Variants in CHL1 observed in about 807,000 individuals in gnomAD.
CHL1 encodes cell adhesion molecule L1 like, also known as neural cell adhesion molecule L1-like protein.
Under a neutral mutation model 141.9 loss-of-function variants are expected in CHL1, and 96 were observed. The ratio of observed to expected loss-of-function variants is 0.68; its 90% CI spans 0.57 to 0.80. The LOEUF is 0.80. CHL1 is among the 30% of genes least tolerant of loss of function. CHL1 has a pLI of 0.00. For missense variants in CHL1, 1,820 were observed against 1,457.2 expected, an observed-to-expected ratio of 1.25 and a Z score of -4.05; for synonymous variants, 613 against 502.2, an observed-to-expected ratio of 1.22 and a Z score of -2.95.
chr3:341,962 G>C lies in CHL1; in HGVS notation c.559G>C (p.Asp187His), dbSNP rs1702377027. 1.2e-6 allele frequency: 2 copies of C among 1,613,404 alleles called. No homozygotes were observed. Among genetic ancestry groups the C allele is most frequent in the Non-Finnish European group, 8.5e-7 (1 of 1,179,488 alleles). Residue 187 changes from aspartate to histidine, a missense_variant, in exon 7 of 28, where the codon GAT becomes CAT. Physicochemically the swap from Asp to His is moderately conservative, Grantham distance 81. Coordinates refer to ENST00000256509, the MANE Select transcript of CHL1 (RefSeq NM_006614.4). The stretch of plus-strand genomic sequence containing the variant: ...AAGAGTATACATGAGCCAAAAGGGA[G>C]ATCTATACTTCGCAAACGTGGAAGA... ...DERVYMSQKG[D>H]LYFANVEEKD...
chr3:230,258 T>C (rs1410849558), intron 1 of CHL1, among the ~76,000 whole-genome samples: 1 of 152,174 alleles, frequency 6.6e-6, no homozygotes, highest in African/African-American at 2.4e-5. Flanking sequence ...TGTGAAGAGA[T>C]GAAGGAAGTG....
intron 23 of CHL1, among the ~76,000 whole-genome samples, chr3:393,570 T>C (rs185039498): frequency 9.9e-5 from 15 of 152,160 alleles, no homozygotes; most frequent in Middle Eastern, 3.4e-3. Context: ...TAAAATAAAA[T>C]AATATATAAT....
At chr3:279,385 T>C (rs1449513589) in intron 2 of CHL1, among the ~76,000 whole-genome samples, 1 of 152,186 alleles carries the variant, frequency 6.6e-6, no homozygotes, top group Non-Finnish European at 1.5e-5. Context: ...CTATAGCTAG[T>C]CTTTTTCCTT....
chr3:296,141 A>G (rs537978198), intron 2 of CHL1, among the ~76,000 whole-genome samples: 1 of 152,242 alleles, frequency 6.6e-6, no homozygotes, highest in East Asian at 1.9e-4. Flanking sequence ...CTCTTGGTGC[A>G]TCAGCTGAAA....
At chr3:303,226 CTCT>C (rs1434774813) in intron 2 of CHL1, among the ~76,000 whole-genome samples, 1 of 152,154 alleles carries the variant, frequency 6.6e-6, no homozygotes, top group Non-Finnish European at 1.5e-5. Context: ...GATATGCAGG[CTCT>C]TTTTTGGTTC....
In CHL1 at chr3:328,165, A is replaced by C; in HGVS notation, c.198-2A>C. The C allele has an allele frequency of 6.2e-7, 1 of 1,601,632 alleles. No homozygotes were observed. Among genetic ancestry groups the C allele is most frequent in the Non-Finnish European group, 8.5e-7 (1 of 1,173,144 alleles). On this transcript the variant is annotated splice_acceptor_variant, in intron 4 of 27. Coordinates refer to ENST00000256509, the MANE Select transcript of CHL1 (RefSeq NM_006614.4). LOFTEE classifies it high-confidence loss of function. ...ATTATTAAGTTCAGTTTTATGTTTT[A>C]GATTTTCGTGGACTAAGGATGGCAA...
At chr3:311,094 C>T (rs890864313) in intron 2 of CHL1, among the ~76,000 whole-genome samples, 3 of 152,134 alleles carry the variant, frequency 2.0e-5, no homozygotes, top group African/African-American at 7.2e-5. Context: ...ATTGTCTGGA[C>T]ACAGTATAGT....
chr3:383,499 T>A (rs6789749), intron 18 of CHL1, among the ~76,000 whole-genome samples: 18,709 of 152,142 alleles, frequency 0.12, 1,406 homozygotes, highest in African/African-American at 0.21. Context: ...AATTTTTTTT[T>A]AAAAAAGCAG....
At chr3:278,936 C>T (rs1696394387) in intron 2 of CHL1, among the ~76,000 whole-genome samples, 1 of 152,062 alleles carries the variant, frequency 6.6e-6, no homozygotes, top group Non-Finnish European at 1.5e-5. Context: ...GTGAGTTTGC[C>T]CTTGCCTTTC....
intron 20 of CHL1, among the ~76,000 whole-genome samples, chr3:390,349 C>T (rs1011656068): frequency 6.6e-6 from 1 of 152,168 alleles, no homozygotes; most frequent in Non-Finnish European, 1.5e-5. Context: ...CAAATGTTAG[C>T]TGTTATTAAT....
At chr3:338,615 C>T (rs530909746) in intron 5 of CHL1, among the ~76,000 whole-genome samples, 1 of 152,108 alleles carries the variant, frequency 6.6e-6, no homozygotes, top group Non-Finnish European at 1.5e-5. Context: ...AAAATTAATG[C>T]CATTTATATA....
At chr3:220,499 C>A (rs552491003) in intron 1 of CHL1, among the ~76,000 whole-genome samples, 4 of 151,830 alleles carry the variant, frequency 2.6e-5, no homozygotes, top group African/African-American at 7.3e-5. Context: ...CTAACACTAA[C>A]GATAGCTGAT....
At chr3:358,984 T>C (rs1703965570) in intron 11 of CHL1, among the ~76,000 whole-genome samples, 1 of 147,668 alleles carries the variant, frequency 6.8e-6, no homozygotes, top group African/African-American at 2.5e-5. Flanking sequence ...TATATATATA[T>C]ATATTATATA....
intron 2 of CHL1, among the ~76,000 whole-genome samples, chr3:249,338 A>T (rs1284309061): frequency 6.6e-6 from 1 of 152,148 alleles, no homozygotes; most frequent in African/African-American, 2.4e-5. Flanking sequence ...CACAAAGATC[A>T]AAGATTAGTG....
chr3:341,829 A>T, intron 6 of CHL1, 83 bp from the exon 7 acceptor site: 1 of 1,157,680 alleles, frequency 8.6e-7, no homozygotes, highest in Admixed American at 2.9e-5. Flanking sequence ...AAATGAAATA[A>T]TAATGTAAAA....
chr3:312,473 C>A (rs954530966), intron 2 of CHL1, among the ~76,000 whole-genome samples: 3 of 152,166 alleles, frequency 2.0e-5, no homozygotes, highest in Non-Finnish European at 2.9e-5. Context: ...ATTAGCCAGG[C>A]AGGTGATTGA....
intron 1 of CHL1, among the ~76,000 whole-genome samples, chr3:239,651 T>C (rs1298583782): frequency 6.6e-6 from 1 of 151,698 alleles, no homozygotes; most frequent in Admixed American, 6.6e-5. Context: ...CGGGTGGTAT[T>C]TGGTTGCGTA....
At chr3:343,646 A>G (rs537024325) in intron 8 of CHL1, among the ~76,000 whole-genome samples, 1 of 152,326 alleles carries the variant, frequency 6.6e-6, no homozygotes, top group Non-Finnish European at 1.5e-5. Flanking sequence ...AGAGTCAGTT[A>G]CATAATTGCA....
chr3:389,164 G>T (rs1360354840), intron 19 of CHL1, 88 bp from the exon 20 acceptor site: 10 of 986,750 alleles, frequency 1.0e-5, no homozygotes, highest in South Asian at 3.0e-5. Flanking sequence ...TCATTACATT[G>T]TTCCTTATTC....
Sources: allele counts gnomAD v4.1 joint callset (sites outside exome capture counted in the v4.1 genomes callset), GRCh38; gene constraint gnomAD v4.1.1; transcripts MANE v1.5; gene names NCBI Gene and HGNC (gene_info 2026-07-23, HGNC 2026-07-21).